The following CD177 variants were observed in gnomAD, a reference collection of about 807,000 sequenced individuals.
The protein encoded by CD177 is CD177 antigen.
CD177 carries 41 observed loss-of-function variants against 38.1 expected under a neutral mutation model. That is an observed-to-expected ratio of 1.07 (90% CI 0.84 to 1.39). CD177 has a LOEUF of 1.39. CD177 is among the 40% of genes most tolerant of loss of function. The pLI is 0.00. For missense variants in CD177, 619 were observed against 523.8 expected (o/e 1.18, Z -1.77); for synonymous variants, 236 against 216.7 (o/e 1.09, Z -0.78).
intron 3 of CD177, among the ~76,000 whole-genome samples, chr19:43,355,174 C>T (rs1015658376): frequency 7.4e-6 from 1 of 134,530 alleles, no homozygotes; most frequent in Non-Finnish European, 1.5e-5. Context: ...AGTGCAGTGG[C>T]GCAATCTCGG....
At chr19:43,354,596 G>A (rs1969896643) in intron 3 of CD177, 1 of 593,118 alleles carries the variant, frequency 1.7e-6, no homozygotes, top group Non-Finnish European at 2.9e-6. Context: ...CCCTCCCACC[G>A]ACCTGCCACC....
chr19:43,360,056 C>CGTCCCTG (rs1969938181), intron 5 of CD177, among the ~76,000 whole-genome samples: 2 of 151,862 alleles, frequency 1.3e-5, no homozygotes, highest in Non-Finnish European at 2.9e-5. Context: ...TGTGAGAGGA[C>CGTCCCTG]GTCCCTGCGG....
downstream of CD177, among the ~76,000 whole-genome samples, chr19:43,364,058 G>A (rs1970009222): frequency 6.6e-6 from 1 of 152,182 alleles, no homozygotes; most frequent in Non-Finnish European, 1.5e-5. Context: ...CTCCAGCCTG[G>A]GCGACAGAGC....
At chr19:43,360,441 C>A (rs374044183) in intron 6 of CD177, 36 bp downstream of exon 6, 84 of 1,553,084 alleles carry the variant, frequency 5.4e-5, no homozygotes, top group South Asian at 4.5e-4. Context: ...ACACCTGTCC[C>A]AAGTCCCTGG....
At chr19:43,354,540 T>C (rs745557572) in intron 3 of CD177, 148 bp downstream of exon 3, 9 of 773,716 alleles carry the variant, frequency 1.2e-5, no homozygotes, top group Non-Finnish European at 1.7e-5. Flanking sequence ...TCCCTGACCA[T>C]CGCCCCGCCC....
chr19:43,355,112 TTTTTTTTTTTTTTTTTTC>T (rs1969906447), intron 3 of CD177, among the ~76,000 whole-genome samples: 1 of 102,426 alleles, frequency 9.8e-6, no homozygotes, highest in African/African-American at 4.5e-5. Context: ...TTCTTTTTTT[TTTTTTTTTTTTTTTTTTC>T]TGAGAAAGCG....
chr19:43,355,112 T>C (rs895016135), intron 3 of CD177, among the ~76,000 whole-genome samples: 6 of 102,426 alleles, frequency 5.9e-5, no homozygotes, highest in Non-Finnish European at 1.9e-5. Flanking sequence ...TTCTTTTTTT[T>C]TTTTTTTTTT....
downstream of CD177, among the ~76,000 whole-genome samples, chr19:43,365,279 C>T (rs1970018211): frequency 1.4e-5 from 2 of 141,432 alleles, 1 homozygote; most frequent in Non-Finnish European, 3.1e-5. Flanking sequence ...ATACAGTGTG[C>T]AGCCAGGCCA....
At position 43,353,735 on chromosome 19, in the gene CD177, G is replaced by A. The variant is rs1218463099; in HGVS notation, c.21G>A (p.Leu7=). The A allele has an allele frequency of 6.2e-7, 1 of 1,613,756 alleles. No homozygotes were observed. The highest frequency in any genetic ancestry group is 1.3e-5 in the African/African-American group (1 of 74,878). Residue 7 remains leucine (L), a synonymous_variant, in exon 1 of 9, where the codon CTG becomes CTA. Coordinates refer to ENST00000618265, the MANE Select transcript of CD177 (RefSeq NM_020406.4). ...GGGTCATGAGCGCGGTATTACTGCTGGCCCTCCTGGGGTTCATCCTCCCAC... is the reference window on the plus strand; with the variant it reads ...GGGTCATGAGCGCGGTATTACTGCTAGCCCTCCTGGGGTTCATCCTCCCAC... The part of the protein sequence containing the change: MSAVLL[L]ALLGFILPLP...
rs1599877707 is a variant in CD177, at chr19:43,360,285, G to A, written c.640G>A (p.Gly214Arg). 2 of 1,613,148 alleles carry A rather than the reference G, an allele frequency of 1.2e-6. No homozygotes were observed. Among genetic ancestry groups the A allele is most frequent in the African/African-American group, 1.3e-5 (1 of 74,858 alleles). The change falls in exon 6 of 9, where the codon GGG becomes AGG. Residue 214 changes from glycine to arginine, a missense_variant. Physicochemically the swap from Gly to Arg is moderately radical, Grantham distance 125. Transcript: ENST00000618265. ...DMKDFLTCHRGTTIMTHGNLA... is the reference protein window; with the variant it reads ...DMKDFLTCHRRTTIMTHGNLA... ...CCCAGATTTTCTGACCTGTCATCGG[G>A]GGACCACCATTATGACACACGGAAA... is the stretch of plus-strand genomic sequence containing the variant.
At chr19:43,362,055 T>C (rs779369220) in intron 8 of CD177, 33 bp from the exon 9 acceptor site, 2 of 1,591,770 alleles carry the variant, frequency 1.3e-6, no homozygotes, top group Non-Finnish European at 1.7e-6. Context: ...GGCTGTACTC[T>C]GTGTCCTTTC....
chr19:43,354,282 G>C lies in CD177; in HGVS notation c.269G>C (p.Arg90Pro). ...KDQEPRVTEH[R>P]MGPGLSLISY... ...CAGGAGCCCCGCGTCACTGAGCACC[G>C]GATGGGCCCCGGCCTCTCCCTGATC... Residue 90 changes from arginine to proline, a missense_variant, in exon 3 of 9, where the codon CGG (arginine) becomes CCG (proline). Transcript: ENST00000618265. 1.9e-6 allele frequency: 3 copies of C among 1,613,918 alleles called. No homozygotes were observed. Among genetic ancestry groups the C allele is most frequent in the South Asian group, 1.1e-5 (1 of 91,080 alleles).
At chr19:43,364,060 C>T (rs567286654), downstream of CD177, among the ~76,000 whole-genome samples, 4 of 152,268 alleles carry the variant, frequency 2.6e-5, no homozygotes, top group Admixed American at 6.5e-5. Flanking sequence ...CCAGCCTGGG[C>T]GACAGAGCAA....
Position 43,354,312 on chromosome 19 carries a change from A to C in CD177, c.299A>C (p.Tyr100Ser). 1 of 1,613,690 alleles carries C rather than the reference A, an allele frequency of 6.2e-7. No homozygotes were observed. The highest frequency in any genetic ancestry group is 1.1e-5 in the South Asian group (1 of 91,068). ...RMGPGLSLIS[Y>S]TFVCRQEDFC... ...GGCCCCGGCCTCTCCCTGATCTCCT[A>C]CACCTTCGTGTGCCGCCAGGAGGAC... The change falls in exon 3 of 9, where the codon TAC (tyrosine) becomes TCC (serine). Residue 100 changes from tyrosine (Y) to serine (S), a missense_variant. Transcript: ENST00000618265.
chr19:43,363,479 G>A (rs998380335), downstream of CD177, among the ~76,000 whole-genome samples: 2 of 152,196 alleles, frequency 1.3e-5, no homozygotes, highest in African/African-American at 4.8e-5. Context: ...TGCCTAACAA[G>A]AGCTCCCATC....
At chr19:43,355,345 C>A (rs1214185708) in intron 3 of CD177, among the ~76,000 whole-genome samples, 1 of 151,472 alleles carries the variant, frequency 6.6e-6, no homozygotes, top group Non-Finnish European at 1.5e-5. Flanking sequence ...AACTCCTGAC[C>A]TCGTGATCCA....
Position 43,354,253 on chromosome 19 carries a change from G to A in CD177, c.240G>A (p.Lys80=). The A allele has an allele frequency of 6.2e-7, 1 of 1,613,828 alleles. No individual in the cohort carries two copies. The highest frequency in any genetic ancestry group is 8.5e-7 in the Non-Finnish European group (1 of 1,179,840). Residue 80 remains lysine, a synonymous_variant, in exon 3 of 9, where the codon AAG becomes AAA. Transcript: ENST00000618265. ...TCTCCAAGGGCTGCACGGAGGCCAA[G>A]GACCAGGAGCCCCGCGTCACTGAGC... ...LVLSKGCTEA[K]DQEPRVTEHR...
chr19:43,360,119 C>A, intron 5 of CD177, 146 bp from the exon 6 acceptor site: 1 of 938,608 alleles, frequency 1.1e-6, no homozygotes, highest in Non-Finnish European at 1.6e-6. Flanking sequence ...CTCCCAAGTC[C>A]CTTCTGAATC....
Position 43,361,332 on chromosome 19 carries a change from T to C in CD177, c.946+4T>C, listed in dbSNP as rs1599878544. The C allele has an allele frequency of 2.6e-6, 4 of 1,564,542 alleles. 1 individual carries two copies. Among genetic ancestry groups the C allele is most frequent in the South Asian group, 1.1e-5 (1 of 88,078 alleles). The stretch of plus-strand genomic sequence containing the variant: ...CTGAACTCCCTCCCTCCTCAAGGTA[T>C]GGGATCCAGGGCCGTGGAGAAATGA... On this transcript the variant is annotated splice_donor_region_variant and intron_variant, in intron 7 of 8. Transcript: ENST00000618265.
Sources: allele counts gnomAD v4.1 joint callset (sites outside exome capture counted in the v4.1 genomes callset), GRCh38; gene constraint gnomAD v4.1.1; transcripts MANE v1.5; gene names NCBI Gene and HGNC (gene_info 2026-07-23, HGNC 2026-07-21).